The following ROBO2 variants were observed in gnomAD, a reference collection of about 807,000 sequenced individuals.
The protein encoded by ROBO2 is roundabout homolog 2.
In ROBO2, 53 loss-of-function variants were observed where a neutral mutation model predicts 160.8. The ratio of observed to expected loss-of-function variants is 0.33; its 90% CI spans 0.26 to 0.41. The LOEUF (loss-of-function observed/expected upper bound fraction) is 0.41. ROBO2 is among the 10% of genes least tolerant of loss of function. ROBO2 has a pLI of 1.00. For synonymous variants in ROBO2, 664 were observed against 611.7 expected, an observed-to-expected ratio of 1.09 and a Z score of -1.26; for missense variants, 1,577 against 1,722.4, an observed-to-expected ratio of 0.92 and a Z score of 1.49.
intron 2 of ROBO2, among the ~76,000 whole-genome samples, chr3:76,818,617 T>G (rs2065881465): frequency 6.6e-6 from 1 of 152,148 alleles, no homozygotes; most frequent in South Asian, 2.1e-4. Context: ...TCTAAAATTT[T>G]TATGGTTTCA....
chr3:76,982,465 A>T (rs1189015511), intron 2 of ROBO2, among the ~76,000 whole-genome samples: 2 of 152,168 alleles, frequency 1.3e-5, no homozygotes, highest in Non-Finnish European at 2.9e-5. Context: ...CACTGTCTTG[A>T]TTAGCATACC....
At chr3:75,954,808 C>T (rs2107219773) in intron 2 of ROBO2, among the ~76,000 whole-genome samples, 1 of 151,882 alleles carries the variant, frequency 6.6e-6, no homozygotes. Context: ...TAACATCTTG[C>T]AGAGGTAATG....
intron 2 of ROBO2, among the ~76,000 whole-genome samples, chr3:77,453,974 C>G (rs1472671955): frequency 6.6e-6 from 1 of 151,906 alleles, no homozygotes; most frequent in Non-Finnish European, 1.5e-5. Context: ...TTTTTTTGCT[C>G]CCCCGTTCAA....
intron 1 of ROBO2, among the ~76,000 whole-genome samples, chr3:77,078,920 G>A (rs941387968): frequency 6.6e-6 from 1 of 152,050 alleles, no homozygotes; most frequent in Non-Finnish European, 1.5e-5. Flanking sequence ...TGTAGAAATA[G>A]GTTCTATATT....
chr3:77,569,162 G>C (rs972003207), intron 13 of ROBO2, among the ~76,000 whole-genome samples: 13 of 151,842 alleles, frequency 8.6e-5, no homozygotes, highest in Non-Finnish European at 1.6e-4. Flanking sequence ...ATTTATCTTG[G>C]TATAAACCTA....
At chr3:76,117,849 T>A (rs1330082484) in intron 2 of ROBO2, among the ~76,000 whole-genome samples, 2 of 152,136 alleles carry the variant, frequency 1.3e-5, no homozygotes, top group Non-Finnish European at 2.9e-5. Flanking sequence ...ATAAATCACT[T>A]TCACAGGAAA....
intron 2 of ROBO2, among the ~76,000 whole-genome samples, chr3:76,714,676 T>A (rs1447597170): frequency 6.6e-6 from 1 of 152,170 alleles, no homozygotes. Context: ...ACTCAACACA[T>A]TTCAGTTTTA....
chr3:77,530,566 C>G (rs528364739), intron 6 of ROBO2, among the ~76,000 whole-genome samples: 1 of 151,904 alleles, frequency 6.6e-6, no homozygotes, highest in Admixed American at 6.6e-5. Flanking sequence ...TTACTGAAAG[C>G]GGACGTTCAT....
At chr3:76,754,107 A>G (rs374162857) in intron 2 of ROBO2, among the ~76,000 whole-genome samples, 2 of 152,054 alleles carry the variant, frequency 1.3e-5, no homozygotes, top group South Asian at 2.1e-4. Context: ...CATTTCTAAT[A>G]GAAATAGCAG....
chr3:76,480,897 A>G (rs879867857), intron 2 of ROBO2, among the ~76,000 whole-genome samples: 2 of 152,174 alleles, frequency 1.3e-5, no homozygotes, highest in African/African-American at 2.4e-5. Context: ...TGGTTATCAC[A>G]AGAGTCTTAC....
intron 17 of ROBO2, among the ~76,000 whole-genome samples, chr3:77,592,270 A>G (rs1361647727): frequency 6.6e-5 from 10 of 152,138 alleles, no homozygotes; most frequent in Non-Finnish European, 1.3e-4. Context: ...GCCTTTGTAT[A>G]CTTAATATGC....
chr3:76,898,493 A>G (rs548297314), intron 2 of ROBO2, among the ~76,000 whole-genome samples: 7 of 152,270 alleles, frequency 4.6e-5, no homozygotes, highest in African/African-American at 1.7e-4. Flanking sequence ...TAATATCTAC[A>G]TCTAATTGCG....
intron 2 of ROBO2, among the ~76,000 whole-genome samples, chr3:76,370,855 T>C (rs2076064004): frequency 6.6e-6 from 1 of 151,946 alleles, no homozygotes; most frequent in Admixed American, 6.6e-5. Context: ...ATTTCTCTAG[T>C]GTTTATTCTA....
chr3:76,469,798 TA>T (rs2078558431), intron 2 of ROBO2, among the ~76,000 whole-genome samples: 1 of 152,114 alleles, frequency 6.6e-6, no homozygotes, highest in East Asian at 1.9e-4. Flanking sequence ...TCTACACTAG[TA>T]ACCTCACTGA....
chr3:76,442,437 T>G (rs750621302), intron 2 of ROBO2, among the ~76,000 whole-genome samples: 1 of 152,112 alleles, frequency 6.6e-6, no homozygotes, highest in Non-Finnish European at 1.5e-5. Flanking sequence ...CCGTGCGTTA[T>G]TCTTTTCTGT....
At chr3:77,417,740 T>G (rs992817808) in intron 2 of ROBO2, among the ~76,000 whole-genome samples, 3 of 152,144 alleles carry the variant, frequency 2.0e-5, no homozygotes, top group Admixed American at 6.5e-5. Context: ...ACTGTCATAG[T>G]GTTCTTGTAC....
chr3:77,218,424 G>A (rs1318396820), intron 2 of ROBO2, among the ~76,000 whole-genome samples: 1 of 133,712 alleles, frequency 7.5e-6, no homozygotes, highest in Non-Finnish European at 1.6e-5. Flanking sequence ...ACCTAAGCTT[G>A]AGTGCAGTGG....
intron 2 of ROBO2, among the ~76,000 whole-genome samples, chr3:77,230,446 C>T (rs974454523): frequency 8.5e-5 from 13 of 152,100 alleles, no homozygotes; most frequent in African/African-American, 2.4e-4. Flanking sequence ...ATTCTTCAAA[C>T]GTAACATTAA....
chr3:76,192,082 T>C (rs1850278), intron 2 of ROBO2, among the ~76,000 whole-genome samples: 51,608 of 151,220 alleles, frequency 0.34, 9,752 homozygotes, highest in Non-Finnish European at 0.42. Flanking sequence ...GCTATTTCCC[T>C]AGTTAGTGCC....
Sources: allele counts gnomAD v4.1 joint callset (sites outside exome capture counted in the v4.1 genomes callset), GRCh38; gene constraint gnomAD v4.1.1; transcripts MANE v1.5; gene names NCBI Gene and HGNC (gene_info 2026-07-23, HGNC 2026-07-21).